NALF1: variants seen among roughly 807,000 people sequenced by gnomAD.
NALF1 encodes the protein NALCN channel auxiliary factor 1.
Under a neutral mutation model 48.4 loss-of-function variants are expected in NALF1, and 3 were observed. The observed-to-expected ratio is 0.06, with a 90% CI of 0.03 to 0.16. NALF1 has a LOEUF of 0.16. Ranked by LOEUF, NALF1 falls within the 10% of genes least tolerant of loss-of-function variation. The pLI is 1.00. For missense variants in NALF1, 526 were observed against 571.5 expected (o/e 0.92, Z 0.81); for synonymous variants, 262 against 245.7 (o/e 1.07, Z -0.62).
At chr13:107,604,362 T>C (rs1272483939) in intron 1 of NALF1, among the ~76,000 whole-genome samples, 1 of 152,186 alleles carries the variant, frequency 6.6e-6, no homozygotes, top group Non-Finnish European at 1.5e-5. Context: ...CCCCTTTCTT[T>C]CTAAGGAATT....
At chr13:107,185,204 T>C (rs2138778824) in intron 2 of NALF1, among the ~76,000 whole-genome samples, 1 of 152,240 alleles carries the variant, frequency 6.6e-6, no homozygotes, top group African/African-American at 2.4e-5. Context: ...CCTGCTGACA[T>C]CTTGACCTCA....
chr13:107,653,262 C>T (rs4143871), intron 1 of NALF1, among the ~76,000 whole-genome samples: 73,723 of 151,728 alleles, frequency 0.49, 18,394 homozygotes, highest in East Asian at 0.66. Flanking sequence ...CAATAACAAA[C>T]GAATTCTCTC....
rs376091889 is a variant in NALF1, at chr13:107,561,655, CT to C, written c.915+304026del. On this transcript the variant is annotated intron_variant, in intron 1 of 2. Transcript: ENST00000375915. ...TGCAAATTGCCTATTCCCTGCCAATCTTTTTAGTTTGCAAATTCCTACCTAT... is the reference window on the plus strand; with the variant it reads ...TGCAAATTGCCTATTCCCTGCCAATCTTTTAGTTTGCAAATTCCTACCTAT... Among the ~76,000 whole-genome samples the C allele has an allele frequency of 3.7e-3, 559 of 152,274 alleles. 5 individuals are homozygous for C. The highest frequency in any genetic ancestry group is 0.013 in the African/African-American group (536 of 41,548).
At position 107,533,488 on chromosome 13, in the gene NALF1, A is replaced by C. The variant is rs1420954023; in HGVS notation, c.916-322733T>G. Among the ~76,000 whole-genome samples the C allele has an allele frequency of 3.3e-5, 5 of 152,060 alleles. No homozygotes were observed. In the East Asian group the frequency reaches 9.6e-4, roughly 29 times the overall value. On this transcript the variant is annotated intron_variant, in intron 1 of 2. Coordinates refer to ENST00000375915, the MANE Select transcript of NALF1 (RefSeq NM_001080396.3). ...CAGAGGAGGCAGCCCTCATCCAACA[A>C]CCGAACATGCCTGCACCTTGATCTT...
At chr13:107,213,304 T>G (rs1490577617) in intron 1 of NALF1, among the ~76,000 whole-genome samples, 1 of 142,714 alleles carries the variant, frequency 7.0e-6, no homozygotes, top group Non-Finnish European at 1.5e-5. Flanking sequence ...AAGTATCAGG[T>G]AGTAGTTAGT....
At chr13:107,451,475 TAA>T (rs1309159118) in intron 1 of NALF1, among the ~76,000 whole-genome samples, 6 of 152,208 alleles carry the variant, frequency 3.9e-5, no homozygotes, top group African/African-American at 1.2e-4. Context: ...AGTGTGTGGA[TAA>T]AGAGTGTTAG....
intron 1 of NALF1, among the ~76,000 whole-genome samples, chr13:107,496,523 C>A (rs1233964685): frequency 6.6e-6 from 1 of 152,086 alleles, no homozygotes; most frequent in Non-Finnish European, 1.5e-5. Flanking sequence ...AGTAGAGCTG[C>A]CAGTCAGGTG....
intron 1 of NALF1, among the ~76,000 whole-genome samples, chr13:107,321,998 C>A (rs140049787): frequency 6.6e-6 from 1 of 152,150 alleles, no homozygotes; most frequent in African/African-American, 2.4e-5. Flanking sequence ...CCCATACCAC[C>A]CACCCTATTA....
rs540408801 is a variant in NALF1 at position 107,722,573 on chromosome 13, C to G, written c.915+143109G>C. Among the ~76,000 whole-genome samples the G allele has an allele frequency of 3.7e-3, 570 of 152,204 alleles. 4 individuals carry two copies. The highest frequency in any genetic ancestry group is 0.013 in the African/African-American group (553 of 41,532). ...GCCTCTCCTGCCAGTGCCTCCCTAG[C>G]GGGCCCCTAGCAACACTACCACGCT... On this transcript the variant is annotated intron_variant, in intron 1 of 2. Coordinates refer to ENST00000375915, the MANE Select transcript of NALF1 (RefSeq NM_001080396.3).
At chr13:107,174,674 A>T (rs1026193042) in intron 2 of NALF1, among the ~76,000 whole-genome samples, 1 of 151,398 alleles carries the variant, frequency 6.6e-6, no homozygotes, top group Non-Finnish European at 1.5e-5. Flanking sequence ...GAACTTTTGA[A>T]ATTCTGTCTT....
intron 1 of NALF1, among the ~76,000 whole-genome samples, chr13:107,334,063 A>C (rs186489200): frequency 4.3e-4 from 65 of 152,334 alleles, no homozygotes; most frequent in African/African-American, 1.3e-3. Flanking sequence ...AAGTCTCAGA[A>C]AATTTAGAAA....
chr13:107,844,612 A>G (rs150818867), intron 1 of NALF1, among the ~76,000 whole-genome samples: 3 of 152,318 alleles, frequency 2.0e-5, no homozygotes, highest in Non-Finnish European at 2.9e-5. Context: ...AAAGCTAATC[A>G]TAATATAGTA....
intron 1 of NALF1, among the ~76,000 whole-genome samples, chr13:107,237,150 G>A (rs1330611983): frequency 2.0e-5 from 3 of 150,060 alleles, no homozygotes; most frequent in East Asian, 2.0e-4. Flanking sequence ...GACAAAATAC[G>A]TAATTTATAT....
intron 1 of NALF1, among the ~76,000 whole-genome samples, chr13:107,278,248 T>C (rs1414158512): frequency 6.6e-6 from 1 of 152,228 alleles, no homozygotes; most frequent in East Asian, 1.9e-4. Flanking sequence ...TAGGTCTTGA[T>C]CAAATGTTAA....
chr13:107,702,610 C>T (rs1242184567), intron 1 of NALF1, among the ~76,000 whole-genome samples: 2 of 151,946 alleles, frequency 1.3e-5, no homozygotes, highest in Non-Finnish European at 1.5e-5. Flanking sequence ...TAAACTTGTG[C>T]CATGGTGTTT....
intron 1 of NALF1, among the ~76,000 whole-genome samples, chr13:107,628,656 T>A (rs1331455531): frequency 6.6e-6 from 1 of 152,144 alleles, no homozygotes; most frequent in Non-Finnish European, 1.5e-5. Flanking sequence ...AATTCCCAAA[T>A]CTTACTAAAA....
chr13:107,618,920 T>C (rs945429801), intron 1 of NALF1, among the ~76,000 whole-genome samples: 1 of 152,214 alleles, frequency 6.6e-6, no homozygotes, highest in Non-Finnish European at 1.5e-5. Context: ...TATTCTTATG[T>C]CTGCCCAAAC....
intron 1 of NALF1, among the ~76,000 whole-genome samples, chr13:107,728,819 A>G (rs914106761): frequency 3.3e-5 from 5 of 152,230 alleles, no homozygotes; most frequent in Admixed American, 3.3e-4. Context: ...TGTCTTCGTC[A>G]GAGGCTGGCA....
intron 1 of NALF1, among the ~76,000 whole-genome samples, chr13:107,270,399 A>G (rs1465947125): frequency 6.6e-6 from 1 of 152,082 alleles, no homozygotes; most frequent in Non-Finnish European, 1.5e-5. Flanking sequence ...AATATTGCAT[A>G]TATTTTGGTA....
Sources: allele counts gnomAD v4.1 joint callset (sites outside exome capture counted in the v4.1 genomes callset), GRCh38; gene constraint gnomAD v4.1.1; transcripts MANE v1.5; gene names NCBI Gene and HGNC (gene_info 2026-07-23, HGNC 2026-07-21).